Variants in EXOC2 observed in about 807,000 individuals in gnomAD.
EXOC2 encodes the protein exocyst complex component 2.
Under a neutral mutation model 131.8 loss-of-function variants are expected in EXOC2, and 70 were observed. That is an observed-to-expected ratio of 0.53 (90% CI 0.44 to 0.65). The LOEUF is 0.65. Among genes scored for constraint, EXOC2 ranks in the 30% least tolerant of loss-of-function variants. The pLI, the probability that EXOC2 is intolerant of heterozygous loss-of-function variation, is 0.00. For missense variants in EXOC2, 923 were observed against 1,108.6 expected (o/e 0.83, Z 2.38); for synonymous variants, 411 against 398.4 (o/e 1.03, Z -0.38).
In EXOC2 at chr6:552,075, C is replaced by T. The variant is rs144224046; in HGVS notation, c.2121+1779G>A. On this transcript the variant is annotated intron_variant, in intron 21 of 27. Transcript: ENST00000230449. ...CTGCCTTCCCCTGCAGGCTTGCACC[C>T]AAGTGGGGACCATGACCTCCCAGGC... Among the ~76,000 whole-genome samples the T allele has an allele frequency of 2.5e-3, 384 of 152,336 alleles. 2 individuals carry two copies. The highest frequency in any genetic ancestry group is 3.9e-3 in the Non-Finnish European group (263 of 68,030).
intron 1 of EXOC2, among the ~76,000 whole-genome samples, chr6:649,032 G>C (rs948494740): frequency 6.6e-6 from 1 of 152,070 alleles, no homozygotes; most frequent in African/African-American, 2.4e-5. Flanking sequence ...TTCTTTGTAA[G>C]AGACGGAGCC....
chr6:637,632 C>T lies in EXOC2; in HGVS notation c.118+69G>A, dbSNP rs539478071. The T allele has an allele frequency of 8.3e-5, 100 of 1,200,694 alleles. No individual in the cohort carries two copies. In the South Asian group the frequency reaches 1.4e-3, roughly 17 times the overall value. 74.4% of individuals were successfully genotyped at this position (1,200,694 alleles called of 1,614,324 possible). A position where few individuals can be genotyped will look rare whatever the true frequency, so the allele number is the denominator to read the frequency against. On this transcript the variant is annotated intron_variant, in intron 2 of 27. Coordinates refer to ENST00000230449, the MANE Select transcript of EXOC2 (RefSeq NM_018303.6). ...TATCACCTTCACTGTTTGAAAATTA[C>T]ATATCTTGTCTCCCTTGTCCACATA...
rs141161633 is a variant in EXOC2 at position 658,006 on chromosome 6, C to T, written c.-43-20145G>A. 3.3e-3 allele frequency among the ~76,000 whole-genome samples: 500 copies of T among 152,224 alleles called. 3 individuals carry two copies. Among genetic ancestry groups the T allele is most frequent in the African/African-American group, 0.011 (467 of 41,536 alleles). ...TTCATGTCAAACCTATTGACCTTTT[C>T]TCTACTACTTCTAGGGTCATGCTTT... On this transcript the variant is annotated intron_variant, in intron 1 of 27. Transcript: ENST00000230449.
chr6:649,681 T>G (rs994781750), intron 1 of EXOC2, among the ~76,000 whole-genome samples: 2 of 152,236 alleles, frequency 1.3e-5, no homozygotes, highest in Admixed American at 6.5e-5. Context: ...TGGCAACCTA[T>G]TCACTGAATA....
At chr6:561,513 T>G (rs1757696746) in intron 17 of EXOC2, among the ~76,000 whole-genome samples, 1 of 152,216 alleles carries the variant, frequency 6.6e-6, no homozygotes, top group African/African-American at 2.4e-5. Context: ...GGTTTGTAAA[T>G]CTGGGCAAGT....
At chr6:646,308 C>G (rs942541796) in intron 1 of EXOC2, among the ~76,000 whole-genome samples, 3 of 87,804 alleles carry the variant, frequency 3.4e-5, no homozygotes, top group Non-Finnish European at 8.2e-5. Flanking sequence ...AAATGGTTCA[C>G]AAAAACATAG....
chr6:656,659 C>T, intron 1 of EXOC2: 1 of 1,607,402 alleles, frequency 6.2e-7, no homozygotes, highest in Non-Finnish European at 8.5e-7. Context: ...GAGGACGCGC[C>T]CGCTGCGCTT....
At chr6:552,606 G>A (rs1349825059) in intron 21 of EXOC2, among the ~76,000 whole-genome samples, 3 of 138,042 alleles carry the variant, frequency 2.2e-5, no homozygotes, top group Admixed American at 7.9e-5. Flanking sequence ...ATCTCTACCT[G>A]TATGTCACCC....
intron 2 of EXOC2, among the ~76,000 whole-genome samples, chr6:634,595 A>G (rs1277887878): frequency 6.6e-6 from 1 of 152,240 alleles, no homozygotes; most frequent in Admixed American, 6.5e-5. Flanking sequence ...ATAAAGGAAT[A>G]AAAGCAACTA....
intron 20 of EXOC2, 105 bp from the exon 21 acceptor site, chr6:554,025 A>G: frequency 1.1e-6 from 1 of 888,480 alleles, no homozygotes; most frequent in Admixed American, 2.3e-5. Flanking sequence ...TATGGAAAAC[A>G]TTTGGTGAAA....
At chr6:642,938 A>AG (rs1554142611) in intron 1 of EXOC2, among the ~76,000 whole-genome samples, 81 of 151,278 alleles carry the variant, frequency 5.4e-4, no homozygotes, top group Non-Finnish European at 9.1e-4. Flanking sequence ...AAAAAAAAAA[A>AG]GTTCATTGCA....
intron 1 of EXOC2, among the ~76,000 whole-genome samples, chr6:671,883 CA>C (rs2127777860): frequency 6.6e-6 from 1 of 152,186 alleles, no homozygotes; most frequent in South Asian, 2.1e-4. Context: ...AGTTTGAATA[CA>C]ATATGCTAAG....
chr6:649,977 A>G (rs769954992), intron 1 of EXOC2, among the ~76,000 whole-genome samples: 1 of 152,230 alleles, frequency 6.6e-6, no homozygotes, highest in Non-Finnish European at 1.5e-5. Context: ...TTTTAATGTA[A>G]GACTTTATTT....
intron 1 of EXOC2, among the ~76,000 whole-genome samples, chr6:682,447 G>A (rs555082715): frequency 2.0e-4 from 30 of 152,082 alleles, no homozygotes; most frequent in East Asian, 9.7e-4. Context: ...TGATCTGCCC[G>A]CCTTGGCCTC....
intron 1 of EXOC2, among the ~76,000 whole-genome samples, chr6:651,991 G>T (rs1026625503): frequency 6.6e-6 from 1 of 151,488 alleles, no homozygotes; most frequent in African/African-American, 2.4e-5. Context: ...GGGAGGCGAA[G>T]GTTGCAGTGA....
intron 1 of EXOC2, among the ~76,000 whole-genome samples, chr6:641,964 G>C (rs1185992191): frequency 1.3e-5 from 2 of 152,042 alleles, no homozygotes; most frequent in Non-Finnish European, 2.9e-5. Flanking sequence ...TTTGTGGTCT[G>C]CACAGCCCAC....
chr6:583,684 A>G (rs1178973540), intron 11 of EXOC2, among the ~76,000 whole-genome samples: 1 of 152,258 alleles, frequency 6.6e-6, no homozygotes, highest in East Asian at 1.9e-4. Context: ...CTGCATACAT[A>G]GCGCAGCTTA....
intron 25 of EXOC2, among the ~76,000 whole-genome samples, chr6:493,365 T>C (rs942576875): frequency 6.6e-6 from 1 of 152,214 alleles, no homozygotes; most frequent in Non-Finnish European, 1.5e-5. Flanking sequence ...TATTCTAGTA[T>C]AGGTAAAAAC....
chr6:533,231 A>G (rs1358456175), intron 22 of EXOC2, among the ~76,000 whole-genome samples: 1 of 152,236 alleles, frequency 6.6e-6, no homozygotes, highest in Non-Finnish European at 1.5e-5. Flanking sequence ...CATTTTTGAA[A>G]ATACTAACCA....
Sources: allele counts gnomAD v4.1 joint callset (sites outside exome capture counted in the v4.1 genomes callset), GRCh38; gene constraint gnomAD v4.1.1; transcripts MANE v1.5; gene names NCBI Gene and HGNC (gene_info 2026-07-23, HGNC 2026-07-21).